MYO9B: variants seen among roughly 807,000 people sequenced by gnomAD.
MYO9B encodes myosin IXB.
In MYO9B, 71 loss-of-function variants were observed where a neutral mutation model predicts 229.5. That is an observed-to-expected ratio of 0.31 (90% confidence interval 0.26 to 0.38). The LOEUF (loss-of-function observed/expected upper bound fraction) is 0.38, where lower values mean the gene tolerates loss of function less well. MYO9B is among the 10% of genes least tolerant of loss of function. The pLI, the probability that MYO9B is intolerant of heterozygous loss-of-function variation, is 1.00. For synonymous variants in MYO9B, 1,185 were observed against 1,235.8 expected (o/e 0.96, Z 0.86); for missense variants, 2,255 against 2,920.5 (o/e 0.77, Z 5.25).
chr19:17,202,297 A>G lies in MYO9B; in HGVS notation c.4830A>G (p.Pro1610=), dbSNP rs781180321. ...TRGYTKNDFE[P]VKQSKAQKKK... The stretch of plus-strand genomic sequence containing the variant: ...GCTACACCAAGAACGACTTCGAGCC[A>G]GTGAAGGTGGGCAGCCCAGCATGCC... Residue 1610 remains proline, a synonymous_variant, in exon 28 of 40, where the codon CCA becomes CCG. Transcript: ENST00000682292. 1.3e-6 allele frequency: 2 copies of G among 1,561,416 alleles called. No homozygotes were observed. The highest frequency in any genetic ancestry group is 1.4e-5 in the African/African-American group (1 of 73,426).
At chr19:17,097,753 A>G (rs2057706850) in intron 1 of MYO9B, among the ~76,000 whole-genome samples, 1 of 151,864 alleles carries the variant, frequency 6.6e-6, no homozygotes, top group African/African-American at 2.4e-5. Flanking sequence ...CCCTGACCCC[A>G]CTCAGTCACA....
At chr19:17,203,064 G>T in intron 29 of MYO9B, 83 bp from the exon 30 acceptor site, 2 of 1,392,178 alleles carry the variant, frequency 1.4e-6, no homozygotes, top group South Asian at 1.3e-5. Flanking sequence ...TCACCCCTGA[G>T]ATCCCATGGG....
At chr19:17,079,176 T>C (rs2057512597) in intron 1 of MYO9B, among the ~76,000 whole-genome samples, 1 of 152,188 alleles carries the variant, frequency 6.6e-6, no homozygotes, top group African/African-American at 2.4e-5. Context: ...AAAACCTGGT[T>C]CCCCTCTAGG....
chr19:17,179,402 T>A (rs2072829130), intron 14 of MYO9B, among the ~76,000 whole-genome samples: 1 of 151,488 alleles, frequency 6.6e-6, no homozygotes, highest in South Asian at 2.1e-4. Context: ...GGGTCTTTTT[T>A]CTGAGTCGCC....
At position 17,172,445 on chromosome 19, in the gene MYO9B, C is replaced by A; in HGVS notation, c.1903C>A (p.His635Asn). The A allele has an allele frequency of 6.2e-7, 1 of 1,613,906 alleles. No individual in the cohort carries two copies. Among genetic ancestry groups the A allele is most frequent in the Non-Finnish European group, 8.5e-7 (1 of 1,179,854 alleles). ...PVMEPAFIIQHFAGKVKYQIK... is the reference protein window; with the variant it reads ...PVMEPAFIIQNFAGKVKYQIK... ...CATGGAGCCAGCTTTCATCATCCAGCACTTCGCAGGGAAGGTGAAATATCA... is the reference window on the plus strand; with the variant it reads ...CATGGAGCCAGCTTTCATCATCCAGAACTTCGCAGGGAAGGTGAAATATCA... Residue 635 changes from histidine (H) to asparagine (N), a missense_variant, in exon 12 of 40, where the codon CAC (histidine) becomes AAC (asparagine). Physicochemically the swap from His to Asn is moderately conservative, Grantham distance 68 (BLOSUM62 1). Coordinates refer to ENST00000682292, the MANE Select transcript of MYO9B (RefSeq NM_004145.4). This position sits in a 1 kb window ranked among gnomAD's most constrained non-coding sequence, Gnocchi z 8.2.
chr19:17,173,424 C>G (rs2145365485), intron 13 of MYO9B, among the ~76,000 whole-genome samples: 1 of 151,940 alleles, frequency 6.6e-6, no homozygotes, highest in African/African-American at 2.4e-5. Context: ...CCTGCTTCAC[C>G]CTCCCAAGTA....
chr19:17,174,950 A>G (rs1333909288), intron 13 of MYO9B, among the ~76,000 whole-genome samples: 2 of 133,452 alleles, frequency 1.5e-5, no homozygotes, highest in South Asian at 2.2e-4. Flanking sequence ...ATAAATAAAT[A>G]AATAATAAAT....
At chr19:17,171,263 C>A (rs1030503732) in intron 11 of MYO9B, among the ~76,000 whole-genome samples, 1 of 152,170 alleles carries the variant, frequency 6.6e-6, no homozygotes, top group African/African-American at 2.4e-5. Context: ...TTTGCCAAAC[C>A]AACAACATCA....
chr19:17,121,350 G>A (rs1046664708), intron 2 of MYO9B, among the ~76,000 whole-genome samples: 4 of 152,094 alleles, frequency 2.6e-5, no homozygotes, highest in Non-Finnish European at 5.9e-5. Flanking sequence ...TGGGGTTCGG[G>A]AGATGAGGGC....
chr19:17,127,253 C>G (rs958019273), intron 2 of MYO9B, among the ~76,000 whole-genome samples: 5 of 144,416 alleles, frequency 3.5e-5, no homozygotes, highest in East Asian at 2.1e-4. Flanking sequence ...ACCCACCCCC[C>G]TCGGCCTTCC....
intron 2 of MYO9B, among the ~76,000 whole-genome samples, chr19:17,126,923 A>ACCCCCC (rs1568263331): frequency 4.7e-4 from 13 of 27,474 alleles, no homozygotes; most frequent in African/African-American, 5.5e-4. Context: ...CCCCACCCCC[A>ACCCCCC]CCCCCCACCC....
chr19:17,188,066 C>A lies in MYO9B; in HGVS notation c.2688+21C>A, dbSNP rs746738140. On this transcript the variant is annotated intron_variant, in intron 19 of 39. Coordinates refer to ENST00000682292, the MANE Select transcript of MYO9B (RefSeq NM_004145.4). ...TCCAGGTAGGCCACAAGCACATATA[C>A]CTGGACACACCTGTTCCGTGGCAAA... The A allele has an allele frequency of 8.4e-6, 13 of 1,541,844 alleles. No individual in the cohort carries two copies. The Admixed American group carries it at 1.7e-4, about 21-fold the overall frequency.
intron 1 of MYO9B, among the ~76,000 whole-genome samples, chr19:17,092,722 CAAAAA>C (rs3067821): frequency 3.9e-4 from 38 of 97,628 alleles, no homozygotes; most frequent in Middle Eastern, 4.8e-3. Flanking sequence ...AAGGCTCCGT[CAAAAA>C]AAAAAAAAAA....
chr19:17,181,001 A>G lies in MYO9B; in HGVS notation c.2294A>G (p.Gln765Arg), dbSNP rs2072853263. ...GGCGAGGACCCCCGTAGCCTTCTCC[A>G]GTCCCTCAGTCGGCTCCAGAAACCC... ...WQGEDPRSLL[Q>R]SLSRLQKPRA... is the part of the protein sequence containing the mutation. Residue 765 changes from glutamine to arginine, a missense_variant, in exon 15 of 40, where the codon CAG (glutamine) becomes CGG (arginine). Gln to Arg is a conservative substitution (Grantham distance 43). Around this residue, in one of 7 missense-constraint regions of MYO9B, gnomAD observed 155 missense variants for 159.1 expected, o/e 0.97. Transcript: ENST00000682292. The G allele has an allele frequency of 6.2e-7, 1 of 1,610,502 alleles. No individual in the cohort carries two copies. Among genetic ancestry groups the G allele is most frequent in the Non-Finnish European group, 8.5e-7 (1 of 1,178,634 alleles).
At chr19:17,136,187 G>T (rs562242958) in intron 2 of MYO9B, among the ~76,000 whole-genome samples, 2 of 152,144 alleles carry the variant, frequency 1.3e-5, no homozygotes, top group African/African-American at 4.8e-5. Context: ...CATAGGTGAG[G>T]CTGGGCTTCG....
At chr19:17,120,638 CAAAAAAAAA>C (rs59262657) in intron 2 of MYO9B, among the ~76,000 whole-genome samples, 1 of 87,014 alleles carries the variant, frequency 1.1e-5, no homozygotes, top group Non-Finnish European at 2.2e-5. Flanking sequence ...GACTCTGTCT[CAAAAAAAAA>C]AAAAAAAAAA....
intron 2 of MYO9B, among the ~76,000 whole-genome samples, chr19:17,133,856 G>A (rs1218122565): frequency 2.0e-5 from 3 of 152,048 alleles, no homozygotes; most frequent in Non-Finnish European, 4.4e-5. Context: ...CGCCTCCCAG[G>A]TTCACACCAT....
At chr19:17,115,745 C>T (rs573693188) in intron 2 of MYO9B, among the ~76,000 whole-genome samples, 1 of 152,010 alleles carries the variant, frequency 6.6e-6, no homozygotes, top group South Asian at 2.1e-4. Flanking sequence ...GCTGGGATTA[C>T]AGGTGTGAGC....
chr19:17,170,490 G>T (rs2072711016), intron 11 of MYO9B, among the ~76,000 whole-genome samples: 1 of 151,750 alleles, frequency 6.6e-6, no homozygotes, highest in African/African-American at 2.4e-5. Flanking sequence ...TCCCTCTGAG[G>T]CTGGGGTCCA....
Sources: gnomAD v4.1 joint callset for allele counts (sites outside exome capture counted in the v4.1 genomes callset) on GRCh38, gnomAD v4.1.1 for gene constraint, gnomAD v4.1.1 regional missense constraint, Gnocchi (gnomAD v3.1) non-coding constraint, MANE v1.5 for transcripts, NCBI Gene and HGNC (gene_info 2026-07-23, HGNC 2026-07-21) for gene names.